Variants in TOMM20 observed in about 807,000 individuals in gnomAD.
TOMM20 encodes the protein translocase of outer mitochondrial membrane 20.
Under a neutral mutation model 22.1 loss-of-function variants are expected in TOMM20, and 10 were observed. That is an observed-to-expected ratio of 0.45 (90% confidence interval 0.28 to 0.77). The LOEUF (loss-of-function observed/expected upper bound fraction) is 0.77. Among genes scored for constraint, TOMM20 ranks in the 30% least tolerant of loss-of-function variants. The pLI is 0.13. For synonymous variants in TOMM20, 55 were observed against 61.4 expected (o/e 0.90, Z 0.49); for missense variants, 121 against 172.2 (o/e 0.70, Z 1.66).
At chr1:235,127,134 C>T (rs1209176168) in intron 1 of TOMM20, among the ~76,000 whole-genome samples, 1 of 152,152 alleles carries the variant, frequency 6.6e-6, no homozygotes, top group African/African-American at 2.4e-5. Flanking sequence ...GCATTTGTAC[C>T]AAAGCCCCCA....
At chr1:235,126,769 G>A (rs181095886) in intron 1 of TOMM20, among the ~76,000 whole-genome samples, 1 of 152,148 alleles carries the variant, frequency 6.6e-6, no homozygotes, top group Non-Finnish European at 1.5e-5. Flanking sequence ...CACTGCACTC[G>A]AGCCTGGGCG....
At chr1:235,128,370 A>T (rs1263199822) in intron 1 of TOMM20, among the ~76,000 whole-genome samples, 1 of 152,232 alleles carries the variant, frequency 6.6e-6, no homozygotes, top group Non-Finnish European at 1.5e-5. Flanking sequence ...TTGCACGGCT[A>T]AAGTGTCTGG....
At chr1:235,115,167 G>T (rs544089833) in intron 3 of TOMM20, among the ~76,000 whole-genome samples, 23 of 152,140 alleles carry the variant, frequency 1.5e-4, no homozygotes, top group African/African-American at 5.5e-4. Flanking sequence ...ATGAGCCACT[G>T]CACTCGGCCC....
chr1:235,115,572 A>T (rs1660814749), intron 3 of TOMM20, among the ~76,000 whole-genome samples: 1 of 152,178 alleles, frequency 6.6e-6, no homozygotes, highest in Non-Finnish European at 1.5e-5. Context: ...GCTTGCAGTG[A>T]GCCAAGATCG....
chr1:235,128,007 C>T (rs1173398927), intron 1 of TOMM20: 1 of 410,620 alleles, frequency 2.4e-6, no homozygotes, highest in Non-Finnish European at 4.8e-6. Context: ...GAAACCCCGT[C>T]TCTACTAAAC....
intron 3 of TOMM20, among the ~76,000 whole-genome samples, chr1:235,117,170 A>T (rs1396777877): frequency 2.8e-5 from 4 of 145,102 alleles, no homozygotes; most frequent in Non-Finnish European, 6.0e-5. Context: ...AAAAAAGAGT[A>T]AGAATAGACC....
chr1:235,109,628 TA>T lies in TOMM20; in HGVS notation c.*2435del, dbSNP rs912815515. ...TCTACTAGGTTTTACACACTTTACATAAACGTGAACCTAAGTTCTAGTTATC... is the reference window on the plus strand; with the variant it reads ...TCTACTAGGTTTTACACACTTTACATAACGTGAACCTAAGTTCTAGTTATC... On this transcript the variant is annotated 3_prime_UTR_variant, in exon 5 of 5. Transcript: ENST00000366607. The T allele has an allele frequency of 1.3e-5, 2 of 152,240 alleles. No homozygotes were observed. The highest frequency in any genetic ancestry group is 2.9e-5 in the Non-Finnish European group (2 of 68,050). The allele number at this position is 152,240 out of a possible 1,614,324, so 9.4% of individuals were successfully genotyped here.
chr1:235,127,844 C>A (rs765250201), intron 1 of TOMM20: 14 of 518,998 alleles, frequency 2.7e-5, no homozygotes, highest in East Asian at 5.4e-5. Flanking sequence ...ACGGGAGAAG[C>A]GCAGCCCTTT....
At chr1:235,116,062 C>T (rs1414458808) in intron 3 of TOMM20, among the ~76,000 whole-genome samples, 1 of 152,138 alleles carries the variant, frequency 6.6e-6, no homozygotes, top group Non-Finnish European at 1.5e-5. Context: ...TGTCTTTTGC[C>T]AGCATCCATG....
chr1:235,118,202 T>G (rs1660866782), intron 3 of TOMM20, among the ~76,000 whole-genome samples: 1 of 152,266 alleles, frequency 6.6e-6, no homozygotes, highest in Non-Finnish European at 1.5e-5. Context: ...TCCCTTCTTG[T>G]GCAAAGTGGA....
intron 1 of TOMM20, among the ~76,000 whole-genome samples, chr1:235,126,600 C>T (rs947212547): frequency 7.2e-5 from 11 of 151,934 alleles, no homozygotes; most frequent in African/African-American, 2.2e-4. Context: ...GTCAGGAGTT[C>T]GAGACCAACC....
At chr1:235,124,916 A>G (rs1282899052) in intron 1 of TOMM20, among the ~76,000 whole-genome samples, 2 of 152,242 alleles carry the variant, frequency 1.3e-5, no homozygotes, top group Non-Finnish European at 2.9e-5. Context: ...AAATTTAACA[A>G]TGAGCAAAAT....
intron 2 of TOMM20, among the ~76,000 whole-genome samples, chr1:235,121,638 A>C (rs574790247): frequency 6.6e-6 from 1 of 152,318 alleles, no homozygotes; most frequent in Admixed American, 6.5e-5. Flanking sequence ...AAGAACCACT[A>C]ATGATCCAGT....
At chr1:235,124,665 G>C (rs188082848) in intron 1 of TOMM20, among the ~76,000 whole-genome samples, 1 of 152,178 alleles carries the variant, frequency 6.6e-6, no homozygotes, top group South Asian at 2.1e-4. Flanking sequence ...GTGAAACTGA[G>C]TCATAAGTTT....
chr1:235,111,882 C>T lies in TOMM20; in HGVS notation c.*182G>A, dbSNP rs187054202. On this transcript the variant is annotated 3_prime_UTR_variant, in exon 5 of 5. Coordinates refer to ENST00000366607, the MANE Select transcript of TOMM20 (RefSeq NM_014765.3). Reference sequence around the variant, plus strand: ...ATGAAAAGTTCTCTATCAAAATACACTTTTCACTGGGAAAAATAAATAAAA... The same window carrying T: ...ATGAAAAGTTCTCTATCAAAATACATTTTTCACTGGGAAAAATAAATAAAA... The T allele has an allele frequency of 6.6e-6, 4 of 610,094 alleles. No individual in the cohort carries two copies. In the South Asian group the frequency reaches 7.9e-5, roughly 12 times the overall value. 37.8% of individuals were successfully genotyped at this position (610,094 alleles called of 1,614,324 possible).
In TOMM20 at chr1:235,117,110, G is replaced by A. The variant is rs563611735; in HGVS notation, c.250+2708C>T. On this transcript the variant is annotated intron_variant, in intron 3 of 4. Coordinates refer to ENST00000366607, the MANE Select transcript of TOMM20 (RefSeq NM_014765.3). ...AGATCGCGCCACTGCACTCCAGCCT[G>A]GGCGACAGAGCGAGACTCCATCTCA... Among the ~76,000 whole-genome samples, 4 of 114,370 alleles carry A rather than the reference G, an allele frequency of 3.5e-5. No individual in the cohort carries two copies. In the South Asian group the frequency reaches 1.3e-3, roughly 37 times the overall value. 75.0% of individuals were successfully genotyped at this position (114,370 alleles called of 152,430 possible).
intron 3 of TOMM20, among the ~76,000 whole-genome samples, chr1:235,117,370 A>G (rs1432600411): frequency 2.0e-5 from 3 of 151,192 alleles, no homozygotes; most frequent in Non-Finnish European, 4.4e-5. Flanking sequence ...AGGCAGGAGA[A>G]TCGCTTGAAC....
At chr1:235,113,296 C>T (rs1660770610) in intron 4 of TOMM20, among the ~76,000 whole-genome samples, 1 of 152,178 alleles carries the variant, frequency 6.6e-6, no homozygotes, top group Admixed American at 6.6e-5. Context: ...ACTCAAAGTG[C>T]ACCTCAGCAG....
intron 1 of TOMM20, 145 bp downstream of exon 1, chr1:235,128,450 G>A (rs1398509184): frequency 3.1e-6 from 4 of 1,309,484 alleles, no homozygotes; most frequent in Non-Finnish European, 4.2e-6. Context: ...CCCCGGAGCG[G>A]CGCAGCCAGC....
Sources: allele counts gnomAD v4.1 joint callset (sites outside exome capture counted in the v4.1 genomes callset), GRCh38; gene constraint gnomAD v4.1.1; transcripts MANE v1.5; gene names NCBI Gene and HGNC (gene_info 2026-07-23, HGNC 2026-07-21).